The following PIAS2 variants were observed in gnomAD, a reference collection of about 807,000 sequenced individuals.
The protein encoded by PIAS2 is E3 SUMO-protein ligase PIAS2.
A neutral mutation model predicts 69.7 loss-of-function variants in PIAS2; 19 were observed. The ratio of observed to expected loss-of-function variants is 0.27; its 90% CI spans 0.19 to 0.40. The LOEUF (loss-of-function observed/expected upper bound fraction) is 0.40. Among genes scored for constraint, PIAS2 ranks in the 10% least tolerant of loss-of-function variants. The pLI is 1.00. For synonymous variants in PIAS2, 261 were observed against 263.2 expected, an observed-to-expected ratio of 0.99 and a Z score of 0.08; for missense variants, 624 against 757.0, an observed-to-expected ratio of 0.82 and a Z score of 2.06.
chr18:46,826,327 G>A (rs2042846209), intron 11 of PIAS2, among the ~76,000 whole-genome samples: 1 of 152,104 alleles, frequency 6.6e-6, no homozygotes, highest in South Asian at 2.1e-4. Flanking sequence ...CCTGTTTCAT[G>A]GACTTATCAA....
chr18:46,913,692 C>G (rs2057505942), intron 1 of PIAS2, among the ~76,000 whole-genome samples: 1 of 152,058 alleles, frequency 6.6e-6, no homozygotes, highest in Non-Finnish European at 1.5e-5. Context: ...CAGCAGACCA[C>G]AATATTGGAA....
intron 10 of PIAS2, among the ~76,000 whole-genome samples, chr18:46,828,809 G>T (rs2043174959): frequency 6.6e-6 from 1 of 152,146 alleles, no homozygotes; most frequent in African/African-American, 2.4e-5. Context: ...TCACAGAAAA[G>T]TATGTTATTA....
chr18:46,846,000 TAAG>T (rs2046117290), intron 6 of PIAS2, among the ~76,000 whole-genome samples: 1 of 152,176 alleles, frequency 6.6e-6, no homozygotes, highest in Non-Finnish European at 1.5e-5. Flanking sequence ...GAACATGTAA[TAAG>T]AACACTGAAA....
intron 5 of PIAS2, among the ~76,000 whole-genome samples, chr18:46,855,142 A>T (rs926706125): frequency 2.5e-4 from 35 of 141,022 alleles, no homozygotes; most frequent in Non-Finnish European, 4.0e-4. Context: ...TTCCAGGCTT[A>T]TGTTTTCCAT....
At chr18:46,894,088 T>C (rs752707321) in intron 1 of PIAS2, among the ~76,000 whole-genome samples, 1 of 152,128 alleles carries the variant, frequency 6.6e-6, no homozygotes, top group African/African-American at 2.4e-5. Flanking sequence ...ACTGAGCCAC[T>C]GCACTCCAAC....
chr18:46,886,653 C>T (rs776129586), intron 2 of PIAS2, among the ~76,000 whole-genome samples: 2 of 152,034 alleles, frequency 1.3e-5, no homozygotes, highest in Admixed American at 6.5e-5. Flanking sequence ...GCCTGGCCAA[C>T]GTAACGAAAC....
chr18:46,816,359 CAAAT>C (rs2041536304), intron 12 of PIAS2: 3 of 968,092 alleles, frequency 3.1e-6, no homozygotes, highest in Non-Finnish European at 3.7e-6. Flanking sequence ...TTATAATCTC[CAAAT>C]AAGGGTATTA....
chr18:46,918,976 GATATATATGTGTGTGCGTGTATAT>G (rs1218652981), upstream of PIAS2, among the ~76,000 whole-genome samples: 1 of 149,370 alleles, frequency 6.7e-6, no homozygotes, highest in African/African-American at 2.5e-5. Context: ...TTGTTTATTT[GATATATATGTGTGTGCGTGTATAT>G]ATATATATGT....
chr18:46,916,440 T>C (rs2057910536), intron 1 of PIAS2, among the ~76,000 whole-genome samples: 2 of 151,798 alleles, frequency 1.3e-5, no homozygotes, highest in African/African-American at 4.8e-5. Flanking sequence ...TCCGTAAACA[T>C]CTCATTTATG....
At chr18:46,878,913 C>T (rs184714892) in intron 2 of PIAS2, among the ~76,000 whole-genome samples, 75 of 152,214 alleles carry the variant, frequency 4.9e-4, no homozygotes, top group Middle Eastern at 3.4e-3. Flanking sequence ...GCGGTTACTG[C>T]CAAGGTTAAC....
In PIAS2 at chr18:46,864,905, A is replaced by C. The variant is rs374043050; in HGVS notation, c.500-657T>G. Among the ~76,000 whole-genome samples the C allele has an allele frequency of 9.2e-5, 14 of 152,292 alleles. No individual in the cohort carries two copies. In the East Asian group the frequency reaches 1.9e-3, roughly 21 times the overall value. ...CAGGAGAACTGTATTCAAGAATTAA[A>C]TGTTTTTTGTTTATTTTTCTTTGTT... On this transcript the variant is annotated intron_variant, in intron 2 of 13. Transcript: ENST00000585916.
intron 4 of PIAS2, 50 bp from the exon 5 acceptor site, chr18:46,855,485 C>G: frequency 6.4e-7 from 1 of 1,566,120 alleles, no homozygotes; most frequent in Non-Finnish European, 8.8e-7. Context: ...CTCAAACATT[C>G]TTATATGTTT....
intron 12 of PIAS2, among the ~76,000 whole-genome samples, chr18:46,819,398 A>G (rs2041923053): frequency 6.6e-6 from 1 of 152,142 alleles, no homozygotes; most frequent in South Asian, 2.1e-4. Flanking sequence ...AACTTCTTAA[A>G]ATACCAACTC....
chr18:46,909,792 T>C (rs1236773423), intron 1 of PIAS2, among the ~76,000 whole-genome samples: 1 of 152,194 alleles, frequency 6.6e-6, no homozygotes, highest in Non-Finnish European at 1.5e-5. Flanking sequence ...ACAATATCAG[T>C]GCAGGTCAGG....
chr18:46,882,253 C>T (rs1310972294), intron 2 of PIAS2, among the ~76,000 whole-genome samples: 3 of 151,988 alleles, frequency 2.0e-5, no homozygotes, highest in Non-Finnish European at 4.4e-5. Flanking sequence ...ACTGTTTAAT[C>T]ATATCCAAAA....
At chr18:46,868,148 C>A (rs1156718990) in intron 2 of PIAS2, among the ~76,000 whole-genome samples, 1 of 152,198 alleles carries the variant, frequency 6.6e-6, no homozygotes, top group African/African-American at 2.4e-5. Flanking sequence ...ACAAGCCACC[C>A]ACACACTGCC....
chr18:46,886,834 T>TC (rs577568701), intron 2 of PIAS2, among the ~76,000 whole-genome samples: 28 of 145,456 alleles, frequency 1.9e-4, no homozygotes, highest in South Asian at 4.4e-4. Context: ...CAAGACTCTG[T>TC]CCCCCCCCTC....
At chr18:46,813,601 T>C (rs943603433) in intron 13 of PIAS2, among the ~76,000 whole-genome samples, 6 of 152,332 alleles carry the variant, frequency 3.9e-5, no homozygotes, top group South Asian at 2.1e-4. Context: ...CTAAAGATTA[T>C]GCAGCTTATC....
At chr18:46,882,014 T>G (rs1326348304) in intron 2 of PIAS2, among the ~76,000 whole-genome samples, 2 of 151,598 alleles carry the variant, frequency 1.3e-5, no homozygotes, top group African/African-American at 4.8e-5. Context: ...GGAGAATCAC[T>G]TGAACCCAGG....
Sources: allele counts gnomAD v4.1 joint callset (sites outside exome capture counted in the v4.1 genomes callset), GRCh38; gene constraint gnomAD v4.1.1; transcripts MANE v1.5; gene names NCBI Gene and HGNC (gene_info 2026-07-23, HGNC 2026-07-21).